SPATC1: variants seen among roughly 807,000 people sequenced by gnomAD.
The protein encoded by SPATC1 is speriolin.
SPATC1 carries 35 observed loss-of-function variants against 36.5 expected under a neutral mutation model. The ratio of observed to expected loss-of-function variants is 0.96; its 90% CI spans 0.73 to 1.27. The LOEUF (loss-of-function observed/expected upper bound fraction) is 1.27. SPATC1 is among the 50% of genes most tolerant of loss of function. SPATC1 has a pLI of 0.00. For missense variants in SPATC1, 779 were observed against 796.0 expected, an observed-to-expected ratio of 0.98 and a Z score of 0.26; for synonymous variants, 361 against 353.6, an observed-to-expected ratio of 1.02 and a Z score of -0.24.
At chr8:144,039,031 T>C (rs1330150345) in intron 1 of SPATC1, among the ~76,000 whole-genome samples, 2 of 152,234 alleles carry the variant, frequency 1.3e-5, no homozygotes, top group African/African-American at 2.4e-5. Context: ...TGTGGGATGA[T>C]GGAACTATCT....
intron 1 of SPATC1, among the ~76,000 whole-genome samples, chr8:144,018,193 C>A (rs1382605732): frequency 6.6e-6 from 1 of 152,146 alleles, no homozygotes; most frequent in East Asian, 1.9e-4. Flanking sequence ...GTAAAGGCTG[C>A]CAAGAGGTCA....
chr8:144,040,889 A>G lies in SPATC1; in HGVS notation c.1088A>G (p.His363Arg), dbSNP rs782308262. The G allele has an allele frequency of 2.5e-5, 30 of 1,181,288 alleles. No individual in the cohort carries two copies. Among genetic ancestry groups the G allele is most frequent in the Non-Finnish European group, 3.3e-5 (30 of 899,684 alleles). The allele number at this position is 1,181,288 out of a possible 1,614,324, so 73.2% of individuals were successfully genotyped here. The change falls in exon 3 of 5, where the codon CAT (histidine) becomes CGT (arginine). Residue 363 changes from histidine to arginine, a missense_variant. His to Arg is a conservative substitution (Grantham distance 29). Transcript: ENST00000377470. Reference sequence around the variant, plus strand: ...ACCCACATCGCCCAGGGTGCCCCCCATCCCCCTTCCCGAATGCATAATTCC... The same window carrying G: ...ACCCACATCGCCCAGGGTGCCCCCCGTCCCCCTTCCCGAATGCATAATTCC... ...STTHIAQGAP[H>R]PPSRMHNSPT...
intron 1 of SPATC1, among the ~76,000 whole-genome samples, chr8:144,023,943 C>G (rs1564269794): frequency 6.6e-6 from 1 of 150,824 alleles, no homozygotes; most frequent in South Asian, 2.1e-4. Context: ...ACCTTCCCCC[C>G]TCAGGACCCT....
chr8:144,046,778 G>T lies in SPATC1; in HGVS notation c.1598G>T (p.Gly533Val). 1 of 1,610,202 alleles carries T rather than the reference G, an allele frequency of 6.2e-7. No homozygotes were observed. ...ACCGAGCAGCTGGTGAACGCTTATG[G>T]CATCCTGCGAGAGCGCCCGGAGCTG... ...ALTEQLVNAYGILRERPELAA... is the reference protein window; with the variant it reads ...ALTEQLVNAYVILRERPELAA... The change falls in exon 5 of 5, where the codon GGC becomes GTC. Residue 533 changes from glycine (G) to valine (V), a missense_variant. By Grantham distance (109) the Gly-to-Val change is moderately radical. Coordinates refer to ENST00000377470, the MANE Select transcript of SPATC1 (RefSeq NM_198572.3). The surrounding 1 kb of genome is among the most constrained non-coding windows in gnomAD (Gnocchi z 6.6).
intron 1 of SPATC1, among the ~76,000 whole-genome samples, chr8:144,026,704 G>T (rs1834684368): frequency 6.6e-6 from 1 of 152,018 alleles, no homozygotes; most frequent in African/African-American, 2.4e-5. Context: ...AATGACTAAT[G>T]ATGCTGAGCT....
At chr8:144,029,126 A>G (rs1461426798) in intron 1 of SPATC1, among the ~76,000 whole-genome samples, 7 of 142,188 alleles carry the variant, frequency 4.9e-5, no homozygotes, top group Non-Finnish European at 9.2e-5. Context: ...TGATGTGTTG[A>G]TAGGTACAGC....
intron 4 of SPATC1, 34 bp downstream of exon 4, chr8:144,041,405 C>G: frequency 4.4e-6 from 7 of 1,597,424 alleles, no homozygotes; most frequent in Admixed American, 1.7e-5. Context: ...GGACAGGGGG[C>G]AGGTTGGCCC....
rs372951482 is a variant in SPATC1 at position 144,012,485 on chromosome 8, G to A, written c.-31G>A. 9.7e-4 allele frequency: 1,500 copies of A among 1,545,914 alleles called. 11 individuals are homozygous for A. Among genetic ancestry groups the A allele is most frequent in the Middle Eastern group, 4.8e-3 (28 of 5,852 alleles). The stretch of plus-strand genomic sequence containing the variant: ...CAGCCTCCAGGTGCAGTGCCCTCCC[G>A]TGGGCCGCACCCTTGCCACTGCCCC... On this transcript the variant is annotated 5_prime_UTR_variant, in exon 1 of 5. In the 5' UTR this introduces an upstream ATG that the reference lacks. Transcript: ENST00000377470.
At position 144,045,320 on chromosome 8, in the gene SPATC1, C is replaced by T. The variant is rs77911607; in HGVS notation, c.1447-1307C>T. Among the ~76,000 whole-genome samples the T allele has an allele frequency of 0.05, 7,554 of 152,332 alleles. 262 individuals are homozygous for T. The highest frequency in any genetic ancestry group is 0.098 in the South Asian group (471 of 4,830). On this transcript the variant is annotated intron_variant, in intron 4 of 4. Coordinates refer to ENST00000377470, the MANE Select transcript of SPATC1 (RefSeq NM_198572.3). This position sits in a 1 kb window ranked among gnomAD's most constrained non-coding sequence, Gnocchi z 5.2. ...CGCATCCCAGGCACGTCCCAGGCAACAGGGGTGCTGAGCGCAGGCTCTGGG... is the reference window on the plus strand; with the variant it reads ...CGCATCCCAGGCACGTCCCAGGCAATAGGGGTGCTGAGCGCAGGCTCTGGG...
intron 1 of SPATC1, among the ~76,000 whole-genome samples, chr8:144,017,528 T>C (rs943416768): frequency 1.2e-4 from 19 of 152,056 alleles, no homozygotes; most frequent in Middle Eastern, 3.2e-3. Context: ...TTTATAAGCA[T>C]GTGTACCAGG....
chr8:144,012,687 G>A lies in SPATC1; in HGVS notation c.172G>A (p.Gly58Ser). The A allele has an allele frequency of 6.4e-7, 1 of 1,551,654 alleles. No individual in the cohort carries two copies. Among genetic ancestry groups the A allele is most frequent in the Admixed American group, 2.0e-5 (1 of 51,010 alleles). Residue 58 changes from glycine (G) to serine (S), a missense_variant, in exon 1 of 5, where the codon GGT (glycine) becomes AGT (serine). Transcript: ENST00000377470. ...LGISGFTSGL[G>S]EATAGLSSRQ... is the part of the protein sequence containing the mutation. ...CATCAGCGGGTTCACGAGTGGGCTT[G>A]GTGAGGCAACAGCAGGCCTTTCCTC...
At chr8:144,037,911 T>A (rs141104961) in intron 1 of SPATC1, among the ~76,000 whole-genome samples, 4 of 151,492 alleles carry the variant, frequency 2.6e-5, no homozygotes, top group Non-Finnish European at 5.9e-5. Flanking sequence ...GGGCAGATCA[T>A]GAGGTCAGGA....
At chr8:144,027,568 A>G (rs1204609794) in intron 1 of SPATC1, among the ~76,000 whole-genome samples, 1 of 152,186 alleles carries the variant, frequency 6.6e-6, no homozygotes, top group Non-Finnish European at 1.5e-5. Context: ...TAAGAGTTCT[A>G]TGGTTTTAGC....
rs782282193 is a variant in SPATC1 at position 144,046,939 on chromosome 8, C to G, written c.1759C>G (p.Pro587Ala). 1 of 1,597,212 alleles carries G rather than the reference C, an allele frequency of 6.3e-7. No individual in the cohort carries two copies. Among genetic ancestry groups the G allele is most frequent in the East Asian group, 2.2e-5 (1 of 44,836 alleles). Residue 587 changes from proline (P) to alanine (A), a missense_variant, in exon 5 of 5, where the codon CCC (proline) becomes GCC (alanine). Transcript: ENST00000377470. This position sits in a 1 kb window ranked among gnomAD's most constrained non-coding sequence, Gnocchi z 6.6. ...CCAGCTGGCGCACGATGACGGCAAG[C>G]CCATGTTCATCTGGTGACGCTGGAG... ...LSQLAHDDGK[P>A]MFIW
chr8:144,046,099 G>A lies in SPATC1; in HGVS notation c.1447-528G>A, dbSNP rs113888849. Among the ~76,000 whole-genome samples, 976 of 152,302 alleles carry A rather than the reference G, an allele frequency of 6.4e-3. 11 individuals carry two copies. The highest frequency in any genetic ancestry group is 0.022 in the African/African-American group (934 of 41,554). On this transcript the variant is annotated intron_variant, in intron 4 of 4. Transcript: ENST00000377470. This position sits in a 1 kb window ranked among gnomAD's most constrained non-coding sequence, Gnocchi z 6.6. ...CTGGGGTTGTCAGTTCAGTGATGGGGGAGGAAAGGGAGTCCCCTAGGGGGT... is the reference window on the plus strand; with the variant it reads ...CTGGGGTTGTCAGTTCAGTGATGGGAGAGGAAAGGGAGTCCCCTAGGGGGT...
chr8:144,042,599 G>T (rs539606040), intron 4 of SPATC1, among the ~76,000 whole-genome samples: 5 of 152,006 alleles, frequency 3.3e-5, no homozygotes, highest in Non-Finnish European at 7.4e-5. Flanking sequence ...GGGGATGACA[G>T]GCGTGAGCCA....
At chr8:144,038,098 A>G (rs1554755122) in intron 1 of SPATC1, among the ~76,000 whole-genome samples, 2 of 150,808 alleles carry the variant, frequency 1.3e-5, no homozygotes, top group African/African-American at 4.9e-5. Flanking sequence ...ACTGCACTCC[A>G]GCCTGGGCGA....
intron 4 of SPATC1, among the ~76,000 whole-genome samples, chr8:144,042,969 CA>C (rs1835156040): frequency 6.6e-6 from 1 of 150,970 alleles, no homozygotes; most frequent in African/African-American, 2.4e-5. Context: ...GGACTACGGG[CA>C]TGCACCAACA....
At chr8:144,017,432 G>A (rs569326962) in intron 1 of SPATC1, among the ~76,000 whole-genome samples, 81 of 152,260 alleles carry the variant, frequency 5.3e-4, no homozygotes, top group Admixed American at 2.8e-3. Flanking sequence ...CTGGTCCAGA[G>A]ACCTGGCCCA....
Sources: gnomAD v4.1 joint callset for allele counts (sites outside exome capture counted in the v4.1 genomes callset) on GRCh38, gnomAD v4.1.1 for gene constraint, Gnocchi (gnomAD v3.1) non-coding constraint, MANE v1.5 for transcripts, NCBI Gene and HGNC (gene_info 2026-07-23, HGNC 2026-07-21) for gene names.